NIBAN1: variants seen among roughly 807,000 people sequenced by gnomAD.
NIBAN1 encodes the protein niban apoptosis regulator 1.
In NIBAN1, 81 loss-of-function variants were observed where a neutral mutation model predicts 75.1. The observed-to-expected ratio is 1.08, with a 90% CI of 0.90 to 1.30. The LOEUF is 1.30. NIBAN1 is among the 50% of genes most tolerant of loss of function. NIBAN1 has a pLI of 0.00. For synonymous variants in NIBAN1, 436 were observed against 424.8 expected, an observed-to-expected ratio of 1.03 and a Z score of -0.32; for missense variants, 1,133 against 1,128.1, an observed-to-expected ratio of 1.00 and a Z score of -0.06.
At chr1:184,867,631 C>T (rs146576518) in intron 5 of NIBAN1, among the ~76,000 whole-genome samples, 8 of 152,284 alleles carry the variant, frequency 5.3e-5, no homozygotes, top group Non-Finnish European at 8.8e-5. Flanking sequence ...GGCTTGGGCC[C>T]GAGTTCACTT....
rs570014268 is a variant in NIBAN1 at position 184,973,851 on chromosome 1, A to T, written c.55+451T>A. ...GCTGCGGCCAACGCCGCGCTTTCCA[A>T]AGCCAGGCCAACATTACTAAGAGGG... is the stretch of plus-strand genomic sequence containing the variant. On this transcript the variant is annotated intron_variant, in intron 1 of 13. Coordinates refer to ENST00000367511, the MANE Select transcript of NIBAN1 (RefSeq NM_052966.4). Among the ~76,000 whole-genome samples the T allele has an allele frequency of 5.3e-5, 8 of 152,376 alleles. 1 individual carries two copies. The Middle Eastern group carries it at 0.014, about 259-fold the overall frequency.
intron 1 of NIBAN1, among the ~76,000 whole-genome samples, chr1:184,906,131 C>T (rs753966634): frequency 1.2e-4 from 18 of 151,182 alleles, no homozygotes; most frequent in Non-Finnish European, 2.2e-4. Context: ...GTTGCAGCTA[C>T]TCAGCAGTGG....
At chr1:184,953,072 G>A (rs901485651) in intron 1 of NIBAN1, among the ~76,000 whole-genome samples, 1 of 152,214 alleles carries the variant, frequency 6.6e-6, no homozygotes, top group African/African-American at 2.4e-5. Context: ...TTAGGTTGCA[G>A]AAGGTATACT....
rs77377007 is a variant in NIBAN1, at chr1:184,796,232, C to A, written c.1667-135G>T. ...CATCCAGGGAGCCTTCCCTGATGAC[C>A]AAAGTCTATAAACTCTTTCCAAACT... is the stretch of plus-strand genomic sequence containing the variant. On this transcript the variant is annotated intron_variant, in intron 13 of 13. Coordinates refer to ENST00000367511, the MANE Select transcript of NIBAN1 (RefSeq NM_052966.4). 0.055 allele frequency: 45,084 copies of A among 816,074 alleles called. 1,554 individuals carry two copies. Among genetic ancestry groups the A allele is most frequent in the Non-Finnish European group, 0.062 (33,840 of 549,612 alleles). The allele number at this position is 816,074 out of a possible 1,614,324, so 50.6% of individuals were successfully genotyped here. A position where few individuals can be genotyped will look rare whatever the true frequency, so the allele number is the denominator to read the frequency against.
intron 6 of NIBAN1, among the ~76,000 whole-genome samples, chr1:184,824,230 T>C (rs1654783815): frequency 6.6e-6 from 1 of 151,956 alleles, no homozygotes; most frequent in Non-Finnish European, 1.5e-5. Context: ...GTCCCCACTG[T>C]CCCCCAAGCC....
At chr1:184,837,435 G>A (rs1353554594) in intron 5 of NIBAN1, among the ~76,000 whole-genome samples, 1 of 152,166 alleles carries the variant, frequency 6.6e-6, no homozygotes, top group Non-Finnish European at 1.5e-5. Context: ...AACAAGAAAT[G>A]GTTAATTTCC....
At chr1:184,819,899 G>A (rs1287634484) in intron 8 of NIBAN1, among the ~76,000 whole-genome samples, 1 of 152,212 alleles carries the variant, frequency 6.6e-6, no homozygotes, top group Non-Finnish European at 1.5e-5. Flanking sequence ...TTTGCTTACA[G>A]TGAGATGAAT....
intron 5 of NIBAN1, among the ~76,000 whole-genome samples, chr1:184,838,792 G>A (rs910308401): frequency 3.3e-5 from 5 of 152,170 alleles, no homozygotes; most frequent in African/African-American, 9.7e-5. Context: ...GGGACTCCCT[G>A]ACTCAGGCTG....
intron 2 of NIBAN1, among the ~76,000 whole-genome samples, chr1:184,896,643 C>T (rs773878130): frequency 1.3e-5 from 2 of 151,882 alleles, no homozygotes; most frequent in African/African-American, 2.4e-5. Context: ...AGAGTTTTTC[C>T]TAAGTTTTCT....
At chr1:184,913,647 T>C (rs1279990424) in intron 1 of NIBAN1, among the ~76,000 whole-genome samples, 1 of 152,242 alleles carries the variant, frequency 6.6e-6, no homozygotes, top group African/African-American at 2.4e-5. Context: ...CAGATTTTTA[T>C]AGGTGAAAAC....
chr1:184,798,730 A>T (rs1653946718), intron 12 of NIBAN1, among the ~76,000 whole-genome samples: 1 of 152,176 alleles, frequency 6.6e-6, no homozygotes, highest in Non-Finnish European at 1.5e-5. Context: ...ATCAAGGAGA[A>T]CATTTCCATC....
intron 13 of NIBAN1, 142 bp from the exon 14 acceptor site, chr1:184,796,239 T>A: frequency 1.3e-6 from 1 of 752,970 alleles, no homozygotes; most frequent in Non-Finnish European, 2.0e-6. Context: ...GACCAAAGTC[T>A]ATAAACTCTT....
chr1:184,966,415 G>C (rs1270711147), intron 1 of NIBAN1, among the ~76,000 whole-genome samples: 1 of 152,216 alleles, frequency 6.6e-6, no homozygotes, highest in African/African-American at 2.4e-5. Flanking sequence ...GCCACCAGCT[G>C]ATCCACCAGA....
chr1:184,819,602 A>T (rs559000295), intron 8 of NIBAN1, among the ~76,000 whole-genome samples: 2 of 152,338 alleles, frequency 1.3e-5, no homozygotes, highest in South Asian at 4.1e-4. Flanking sequence ...AACTCTCATG[A>T]TCAGCTAGGA....
Position 184,808,064 on chromosome 1 carries a change from C to A in NIBAN1, c.1335+10G>T. On this transcript the variant is annotated intron_variant, in intron 10 of 13. Transcript: ENST00000367511. ...CCCTCATCCACCACGGATGCCCCTGCCACACCCACCTCCTGCATGTAGTTC... is the reference window on the plus strand; with the variant it reads ...CCCTCATCCACCACGGATGCCCCTGACACACCCACCTCCTGCATGTAGTTC... The A allele has an allele frequency of 1.9e-6, 3 of 1,613,494 alleles. No homozygotes were observed. The highest frequency in any genetic ancestry group is 2.5e-6 in the Non-Finnish European group (3 of 1,179,632).
chr1:184,873,738 T>C (rs1656167859), intron 5 of NIBAN1, among the ~76,000 whole-genome samples: 2 of 152,198 alleles, frequency 1.3e-5, no homozygotes, highest in Admixed American at 6.5e-5. Flanking sequence ...TTTGGAAATT[T>C]TCTCTTTGTT....
chr1:184,807,012 C>T (rs1365116768), intron 10 of NIBAN1, among the ~76,000 whole-genome samples: 2 of 152,120 alleles, frequency 1.3e-5, no homozygotes, highest in Non-Finnish European at 2.9e-5. Context: ...TCAAGTGATC[C>T]ACCCGCCTCG....
intron 12 of NIBAN1, among the ~76,000 whole-genome samples, chr1:184,800,700 C>T (rs529855227): frequency 2.2e-4 from 34 of 152,274 alleles, no homozygotes; most frequent in Admixed American, 1.0e-3. Flanking sequence ...ACTATATCTA[C>T]GCCATATAAT....
chr1:184,939,962 A>G (rs542764285), intron 1 of NIBAN1, among the ~76,000 whole-genome samples: 2 of 152,372 alleles, frequency 1.3e-5, no homozygotes, highest in Non-Finnish European at 2.9e-5. Flanking sequence ...AGTGACAAAT[A>G]TCTGGTTCCG....
Sources: allele counts gnomAD v4.1 joint callset (sites outside exome capture counted in the v4.1 genomes callset), GRCh38; gene constraint gnomAD v4.1.1; transcripts MANE v1.5; gene names NCBI Gene and HGNC (gene_info 2026-07-23, HGNC 2026-07-21).